Variants in NCBP1 observed in about 807,000 individuals in gnomAD.
The protein encoded by NCBP1 is nuclear cap-binding protein subunit 1.
In NCBP1, 16 loss-of-function variants were observed where a neutral mutation model predicts 111.7. The observed-to-expected ratio is 0.14, with a 90% CI of 0.10 to 0.22. The LOEUF (loss-of-function observed/expected upper bound fraction) is 0.22, where lower values mean the gene tolerates loss of function less well. Among genes scored for constraint, NCBP1 ranks in the 10% least tolerant of loss-of-function variants. NCBP1 has a pLI of 1.00. For missense variants in NCBP1, 607 were observed against 957.5 expected (o/e 0.63, Z 4.83); for synonymous variants, 304 against 314.3 (o/e 0.97, Z 0.35).
chr9:97,645,619 A>C lies in NCBP1; in HGVS notation c.498A>C (p.Arg166=). 2 of 1,613,418 alleles carry C rather than the reference A, an allele frequency of 1.2e-6. No homozygotes were observed. The highest frequency in any genetic ancestry group is 1.7e-6 in the Non-Finnish European group (2 of 1,179,490). ...TTTTAAAAATCCTTTAGGTGCGACG[A>C]GATTGGTATGTGTATGCATTTCTGT... The part of the protein sequence containing the change: ...TQEEDVPQVR[R]DWYVYAFLSS... Residue 166 remains arginine, a synonymous_variant, in exon 6 of 23, where the codon CGA becomes CGC. Transcript: ENST00000375147.
intron 20 of NCBP1, 140 bp downstream of exon 20, chr9:97,667,017 T>C: frequency 1.7e-6 from 1 of 603,924 alleles, no homozygotes; most frequent in Admixed American, 3.5e-5. Context: ...CTGAGCCCAA[T>C]TTAATGCAGA....
At chr9:97,641,406 A>G (rs1473577554) in intron 2 of NCBP1, among the ~76,000 whole-genome samples, 156 bp from the exon 3 acceptor site, 2 of 152,136 alleles carry the variant, frequency 1.3e-5, no homozygotes, top group African/African-American at 4.8e-5. Flanking sequence ...TTTTTATTTT[A>G]GTTCACTAAA....
At chr9:97,641,510 A>G in intron 2 of NCBP1, 52 bp from the exon 3 acceptor site, 1 of 1,344,872 alleles carries the variant, frequency 7.4e-7, no homozygotes, top group Admixed American at 2.7e-5. Flanking sequence ...TTTTAAAAAT[A>G]AATTTATGTT....
At chr9:97,639,198 TAGTC>T (rs1382358848) in intron 1 of NCBP1, among the ~76,000 whole-genome samples, 8 of 152,196 alleles carry the variant, frequency 5.3e-5, no homozygotes, top group African/African-American at 1.9e-4. Context: ...TTCAAAATTA[TAGTC>T]AGTGGACATT....
At chr9:97,662,810 T>A in intron 17 of NCBP1, 144 bp from the exon 18 acceptor site, 1 of 605,616 alleles carries the variant, frequency 1.7e-6, no homozygotes, top group South Asian at 2.3e-5. Flanking sequence ...TGATCACACT[T>A]TTTGCATCCT....
At chr9:97,663,775 C>T (rs562262856) in intron 18 of NCBP1, among the ~76,000 whole-genome samples, 11 of 151,938 alleles carry the variant, frequency 7.2e-5, no homozygotes, top group Middle Eastern at 3.4e-3. Context: ...TGTGAGCCAC[C>T]GCGCCTGGCC....
chr9:97,661,562 A>T (rs1827834551), intron 16 of NCBP1, among the ~76,000 whole-genome samples: 1 of 152,188 alleles, frequency 6.6e-6, no homozygotes, highest in Non-Finnish European at 1.5e-5. Context: ...AAAACTACTG[A>T]ATCAAAATAA....
At chr9:97,649,393 G>T (rs1465782683) in intron 8 of NCBP1, among the ~76,000 whole-genome samples, 1 of 152,112 alleles carries the variant, frequency 6.6e-6, no homozygotes, top group Admixed American at 6.5e-5. Flanking sequence ...TATCTCCAGA[G>T]AGTGCAATAT....
chr9:97,658,124 T>C (rs561288371), intron 14 of NCBP1, among the ~76,000 whole-genome samples: 1 of 152,036 alleles, frequency 6.6e-6, no homozygotes, highest in African/African-American at 2.4e-5. Flanking sequence ...GATATGCTCA[T>C]TGCCATTGGG....
chr9:97,662,625 A>G (rs1009633297), intron 17 of NCBP1, among the ~76,000 whole-genome samples: 6 of 152,180 alleles, frequency 3.9e-5, no homozygotes, highest in Admixed American at 2.6e-4. Flanking sequence ...TCTGTCTCCA[A>G]GGCTTTATAT....
Position 97,661,028 on chromosome 9 carries a change from T to C in NCBP1, c.1560T>C (p.Ile520=), listed in dbSNP as rs1254673124. The change falls in exon 16 of 23, where the codon ATT becomes ATC. Residue 520 remains isoleucine, a synonymous_variant. Coordinates refer to ENST00000375147, the MANE Select transcript of NCBP1 (RefSeq NM_002486.5). ...CAACCAATGATGAAATCTTCAGCAT[T>C]CTGAAAGATGTACCAAATCCTAACC... ...SKATNDEIFS[I]LKDVPNPNQD... 2 of 1,612,886 alleles carry C rather than the reference T, an allele frequency of 1.2e-6. No individual in the cohort carries two copies. Among genetic ancestry groups the C allele is most frequent in the Non-Finnish European group, 1.7e-6 (2 of 1,179,752 alleles).
At chr9:97,638,401 ATTT>A (rs1287417794) in intron 1 of NCBP1, among the ~76,000 whole-genome samples, 1 of 151,940 alleles carries the variant, frequency 6.6e-6, no homozygotes, top group East Asian at 1.9e-4. Flanking sequence ...CCACAGCACT[ATTT>A]TCCCCTTTTC....
intron 22 of NCBP1, among the ~76,000 whole-genome samples, chr9:97,670,396 C>A (rs1828153682): frequency 6.6e-6 from 1 of 152,166 alleles, no homozygotes; most frequent in African/African-American, 2.4e-5. Flanking sequence ...TCTGCAAAAG[C>A]AAAATGCCGG....
rs1053068647 is a variant in NCBP1, at chr9:97,673,495, A to G, written c.*2296A>G. 5 of 152,182 alleles carry G rather than the reference A, an allele frequency of 3.3e-5. No homozygotes were observed. The highest frequency in any genetic ancestry group is 2.6e-4 in the Admixed American group (4 of 15,278). 9.4% of individuals were successfully genotyped at this position (152,182 alleles called of 1,614,324 possible). Reference sequence around the variant, plus strand: ...TCTCTTGGTCCTCTCTTCATGTATAATGGTTGCTTTTAACAGCTGTTCGCT... The same window carrying G: ...TCTCTTGGTCCTCTCTTCATGTATAGTGGTTGCTTTTAACAGCTGTTCGCT... On this transcript the variant is annotated 3_prime_UTR_variant, in exon 23 of 23. Transcript: ENST00000375147.
At chr9:97,643,538 T>A (rs1005596964) in intron 4 of NCBP1, among the ~76,000 whole-genome samples, 178 bp downstream of exon 4, 3 of 152,132 alleles carry the variant, frequency 2.0e-5, no homozygotes, top group African/African-American at 7.2e-5. Flanking sequence ...CCAACCTTTC[T>A]CCTGAGCTCC....
intron 19 of NCBP1, among the ~76,000 whole-genome samples, chr9:97,666,531 C>T (rs1237669909): frequency 2.0e-5 from 3 of 152,188 alleles, no homozygotes; most frequent in Non-Finnish European, 4.4e-5. Context: ...AAAATGACTA[C>T]ACAGTGCTGC....
intron 17 of NCBP1, 106 bp downstream of exon 17, chr9:97,662,250 A>G (rs899106606): frequency 2.2e-5 from 18 of 812,676 alleles, no homozygotes; most frequent in Non-Finnish European, 2.4e-5. Flanking sequence ...AGATCTTAAT[A>G]GTGTATAATT....
Position 97,643,232 on chromosome 9 carries a change from A to G in NCBP1, c.253A>G (p.Ile85Val). 1 of 1,609,044 alleles carries G rather than the reference A, an allele frequency of 6.2e-7. No homozygotes were observed. Among genetic ancestry groups the G allele is most frequent in the Non-Finnish European group, 8.5e-7 (1 of 1,178,684 alleles). ...ACGCCTATTACCTGAGAAGCTGACAATTTATACAACATTAGTTGGACTACT... is the reference window on the plus strand; with the variant it reads ...ACGCCTATTACCTGAGAAGCTGACAGTTTATACAACATTAGTTGGACTACT... ...VARLLPEKLT[I>V]YTTLVGLLNA... is the part of the protein sequence containing the mutation. The change falls in exon 4 of 23, where the codon ATT becomes GTT. Residue 85 changes from isoleucine to valine, a missense_variant. Coordinates refer to ENST00000375147, the MANE Select transcript of NCBP1 (RefSeq NM_002486.5).
chr9:97,665,908 A>G (rs1027620246), intron 19 of NCBP1, among the ~76,000 whole-genome samples: 7 of 152,218 alleles, frequency 4.6e-5, no homozygotes, highest in African/African-American at 7.2e-5. Context: ...TATTCTTACA[A>G]TAAATCATAA....
Sources: allele counts gnomAD v4.1 joint callset (sites outside exome capture counted in the v4.1 genomes callset), GRCh38; gene constraint gnomAD v4.1.1; transcripts MANE v1.5; gene names NCBI Gene and HGNC (gene_info 2026-07-23, HGNC 2026-07-21).